TIGD7: variants seen among roughly 807,000 people sequenced by gnomAD.
The protein encoded by TIGD7 is tigger transposable element-derived protein 7.
A neutral mutation model predicts 24.8 loss-of-function variants in TIGD7; 26 were observed. The ratio of observed to expected loss-of-function variants is 1.05; its 90% CI spans 0.77 to 1.45. The LOEUF (loss-of-function observed/expected upper bound fraction) is 1.45. TIGD7 is among the 40% of genes most tolerant of loss of function. The pLI, the probability that TIGD7 is intolerant of heterozygous loss-of-function variation, is 0.00. For synonymous variants in TIGD7, 221 were observed against 224.1 expected, an observed-to-expected ratio of 0.99 and a Z score of 0.12; for missense variants, 679 against 641.6, an observed-to-expected ratio of 1.06 and a Z score of -0.63.
chr16:3,300,189 CCCA>C lies in TIGD7; in HGVS notation c.423_425del (p.Cys141_Gly142delinsTrp). On this transcript the variant is annotated inframe_deletion, in exon 2 of 2. Coordinates refer to ENST00000396862, the MANE Select transcript of TIGD7 (RefSeq NM_033208.4). ...CAGAAACTGAACTTAGGACTTGTTCCCCACATCCTTTTCGGTTCCCAATTGCAT... is the reference window on the plus strand; with the variant it reads ...CAGAAACTGAACTTAGGACTTGTTCCCATCCTTTTCGGTTCCCAATTGCAT... The C allele has an allele frequency of 6.2e-7, 1 of 1,614,184 alleles. No individual in the cohort carries two copies. The highest frequency in any genetic ancestry group is 8.5e-7 in the Non-Finnish European group (1 of 1,180,042).
rs746254623 is a variant in TIGD7, at chr16:3,299,342, C to G, written c.1273G>C (p.Glu425Gln). Residue 425 changes from glutamate to glutamine, a missense_variant, in exon 2 of 2, where the codon GAA becomes CAA. By Grantham distance (29) the Glu-to-Gln change is conservative. Coordinates refer to ENST00000396862, the MANE Select transcript of TIGD7 (RefSeq NM_033208.4). ...TTAGTTTCCAACTCCCCACATTTTT[C>G]AAGAATTTCTCTATAATCCCCATGT... ...LEHGDYREIL[E>Q]KCGELETKLD... is the part of the protein sequence containing the mutation. The G allele has an allele frequency of 1.3e-6, 2 of 1,591,568 alleles. No homozygotes were observed. The highest frequency in any genetic ancestry group is 1.7e-6 in the Non-Finnish European group (2 of 1,171,008).
At chr16:3,304,746 G>A (rs1385774172) in intron 1 of TIGD7, 1 of 152,210 alleles carries the variant, frequency 6.6e-6, no homozygotes, top group Non-Finnish European at 1.5e-5. Context: ...GTAAATATGT[G>A]TGGAATGCCT....
rs954637596 is a variant in TIGD7 at position 3,300,657 on chromosome 16, A to G, written c.-43T>C. On this transcript the variant is annotated 5_prime_UTR_variant, in exon 2 of 2. Transcript: ENST00000396862. ...ACCACCAACAGGAGAAAACAAAGGG[A>G]AAAGCCTTAATGAATTGGCAAAAAA... The G allele has an allele frequency of 1.8e-5, 27 of 1,525,258 alleles. No homozygotes were observed. Among genetic ancestry groups the G allele is most frequent in the Non-Finnish European group, 2.2e-5 (25 of 1,142,020 alleles). The allele number at this position is 1,525,258 out of a possible 1,614,324, so 94.5% of individuals were successfully genotyped here.
chr16:3,302,352 T>A (rs1230066559), intron 1 of TIGD7, among the ~76,000 whole-genome samples: 1 of 152,110 alleles, frequency 6.6e-6, no homozygotes, highest in Non-Finnish European at 1.5e-5. Flanking sequence ...GGTCTCGAAC[T>A]TCTGAACTCA....
chr16:3,303,706 T>C (rs566567266), intron 1 of TIGD7: 29 of 152,254 alleles, frequency 1.9e-4, no homozygotes, highest in African/African-American at 6.5e-4. Context: ...AAAGCAAAAA[T>C]AGCATAATGG....
chr16:3,304,651 C>G (rs1960063227), intron 1 of TIGD7: 1 of 152,226 alleles, frequency 6.6e-6, no homozygotes, highest in Non-Finnish European at 1.5e-5. Flanking sequence ...AATCCCTCAA[C>G]TGGTACAGAC....
chr16:3,299,822 A>G lies in TIGD7; in HGVS notation c.793T>C (p.Trp265Arg), dbSNP rs1392338179. 1 of 1,589,968 alleles carries G rather than the reference A, an allele frequency of 6.3e-7. No individual in the cohort carries two copies. Among genetic ancestry groups the G allele is most frequent in the Non-Finnish European group, 8.5e-7 (1 of 1,171,270 alleles). ...VWFTRELFSEWFFQNFVPEVR... is the reference protein window; with the variant it reads ...VWFTRELFSERFFQNFVPEVR... ...TCAGGAACAAAGTTTTGAAAAAACC[A>G]TTCTGAAAACAATTCTCTGGTGAAC... The change falls in exon 2 of 2, where the codon TGG becomes CGG. Residue 265 changes from tryptophan to arginine, a missense_variant. Physicochemically the swap from Trp to Arg is moderately radical, Grantham distance 101. Coordinates refer to ENST00000396862, the MANE Select transcript of TIGD7 (RefSeq NM_033208.4).
At position 3,301,727 on chromosome 16, in the gene TIGD7, T is replaced by G. The variant is rs911858230; in HGVS notation, c.-1113A>C. On this transcript the variant is annotated 5_prime_UTR_variant, in exon 2 of 2. Transcript: ENST00000396862. The stretch of plus-strand genomic sequence containing the variant: ...ATTTGAGATTTTGATTTCTCTTCAG[T>G]GTTTATTTTACTTAATTTGAACCAA... 39 of 166,268 alleles carry G rather than the reference T, an allele frequency of 2.3e-4. No individual in the cohort carries two copies. The highest frequency in any genetic ancestry group is 9.3e-4 in the African/African-American group (38 of 40,770). 10.3% of individuals were successfully genotyped at this position (166,268 alleles called of 1,614,324 possible).
In TIGD7 at chr16:3,300,137, GTT is replaced by G; in HGVS notation, c.476_477del (p.Lys159ThrfsTer20). ...VSENVEPFRQKLSMIIKEEKL... is the reference protein window; with the variant it reads ...VSENVEPFRQXLSMIIKEEKL... ...TTCTCCTCTTTGATTATCATGGACAGTTTTTGTCGAAATGGCTCAACATTTTC... is the reference window on the plus strand; with the variant it reads ...TTCTCCTCTTTGATTATCATGGACAGTTTGTCGAAATGGCTCAACATTTTC... On this transcript the variant is annotated frameshift_variant, in exon 2 of 2. Transcript: ENST00000396862. LOFTEE classifies it high-confidence loss of function. 6.2e-7 allele frequency: 1 copy of G among 1,614,230 alleles called. No individual in the cohort carries two copies. Among genetic ancestry groups the G allele is most frequent in the Non-Finnish European group, 8.5e-7 (1 of 1,180,038 alleles).
In TIGD7 at chr16:3,305,284, C is replaced by T. The variant is rs1391702287; in HGVS notation, c.-1468G>A. On this transcript the variant is annotated 5_prime_UTR_variant, in exon 1 of 2. Transcript: ENST00000396862. ...AGACGCGGCAGTGCGACGCCTCCCC[C>T]ACTGGGGACACGAGACAGCGACAGC... The T allele has an allele frequency of 1.3e-5, 2 of 152,328 alleles. No homozygotes were observed. The highest frequency in any genetic ancestry group is 2.9e-5 in the Non-Finnish European group (2 of 68,120). The allele number at this position is 152,328 out of a possible 1,614,324, so 9.4% of individuals were successfully genotyped here. A position where few individuals can be genotyped will look rare whatever the true frequency, so the allele number is the denominator to read the frequency against.
rs1959858011 is a variant in TIGD7 at position 3,299,217 on chromosome 16, T to A, written c.1398A>T (p.Gly466=). Residue 466 remains glycine, a synonymous_variant, in exon 2 of 2, where the codon GGA becomes GGT. Transcript: ENST00000396862. Reference sequence around the variant, plus strand: ...ATTCAGCAGTCTGCTTCTCAGCTTCTCCTCCTTTTTGAACAACTTCCTTTG... The same window carrying A: ...ATTCAGCAGTCTGCTTCTCAGCTTCACCTCCTTTTTGAACAACTTCCTTTG... ...GITKEVVQKG[G]EAEKQTAEFK... 2.5e-6 allele frequency: 4 copies of A among 1,606,138 alleles called. No individual in the cohort carries two copies. In the African/African-American group the frequency reaches 5.4e-5, roughly 22 times the overall value.
chr16:3,305,251 C>T lies in TIGD7; in HGVS notation c.-1435G>A, dbSNP rs555432182. On this transcript the variant is annotated 5_prime_UTR_variant, in exon 1 of 2. In the 5' UTR this introduces an upstream ATG that the reference lacks. Coordinates refer to ENST00000396862, the MANE Select transcript of TIGD7 (RefSeq NM_033208.4). ...GGGACCAAACGCCGCCCGACAGCCA[C>T]GCAGAACAGACGCGGCAGTGCGACG... is the stretch of plus-strand genomic sequence containing the variant. 3 of 152,380 alleles carry T rather than the reference C, an allele frequency of 2.0e-5. No homozygotes were observed. The South Asian group carries it at 6.2e-4, about 32-fold the overall frequency. 9.4% of individuals were successfully genotyped at this position (152,380 alleles called of 1,614,324 possible). A position where few individuals can be genotyped will look rare whatever the true frequency, so the allele number is the denominator to read the frequency against.
In TIGD7 at chr16:3,300,501, ACTGATTCC is replaced by A; in HGVS notation, c.106_113del (p.Gly36Ter). 1 of 1,614,146 alleles carries A rather than the reference ACTGATTCC, an allele frequency of 6.2e-7. No homozygotes were observed. The highest frequency in any genetic ancestry group is 2.2e-5 in the East Asian group (1 of 44,886). Reference sequence around the variant, plus strand: ...TTTTAATGTCATAAAATGTTGACTTACTGATTCCAAATTCATCCATTACACTTTTAAGT... The same window carrying A: ...TTTTAATGTCATAAAATGTTGACTTAAAATTCATCCATTACACTTTTAAGT... On this transcript the variant is annotated frameshift_variant, in exon 2 of 2. Coordinates refer to ENST00000396862, the MANE Select transcript of TIGD7 (RefSeq NM_033208.4). LOFTEE classifies it high-confidence loss of function.
At position 3,300,135 on chromosome 16, in the gene TIGD7, C is replaced by T. The variant is rs370157123; in HGVS notation, c.480G>A (p.Leu160=). The change falls in exon 2 of 2, where the codon CTG becomes CTA. Residue 160 remains leucine, a synonymous_variant. Transcript: ENST00000396862. The part of the protein sequence containing the change: ...SENVEPFRQK[L]SMIIKEEKLC... ...GTTTCTCCTCTTTGATTATCATGGA[C>T]AGTTTTTGTCGAAATGGCTCAACAT... 1.2e-6 allele frequency: 2 copies of T among 1,614,236 alleles called. No individual in the cohort carries two copies. Among genetic ancestry groups the T allele is most frequent in the East Asian group, 2.2e-5 (1 of 44,892 alleles).
Position 3,299,336 on chromosome 16 carries a change from AT to A in TIGD7, c.1278del (p.Lys426AsnfsTer16). ...TCCAACTTAGTTTCCAACTCCCCACATTTTTCAAGAATTTCTCTATAATCCC... is the reference window on the plus strand; with the variant it reads ...TCCAACTTAGTTTCCAACTCCCCACATTTTCAAGAATTTCTCTATAATCCC... ...EHGDYREILEKCGELETKLDD... is the reference protein window; with the variant it reads ...EHGDYREILEXCGELETKLDD... On this transcript the variant is annotated frameshift_variant, in exon 2 of 2. Transcript: ENST00000396862. LOFTEE classifies it low-confidence loss of function (END_TRUNC). The A allele has an allele frequency of 6.3e-7, 1 of 1,591,396 alleles. No homozygotes were observed. The highest frequency in any genetic ancestry group is 2.3e-5 in the East Asian group (1 of 43,812).
chr16:3,299,089 T>G lies in TIGD7; in HGVS notation c.1526A>C (p.Gln509Pro). 2 of 1,424,826 alleles carry G rather than the reference T, an allele frequency of 1.4e-6. No individual in the cohort carries two copies. The highest frequency in any genetic ancestry group is 1.8e-6 in the Non-Finnish European group (2 of 1,086,660). 88.3% of individuals were successfully genotyped at this position (1,424,826 alleles called of 1,614,324 possible). Residue 509 changes from glutamine (Q) to proline (P), a missense_variant, in exon 2 of 2, where the codon CAA becomes CCA. Gln to Pro is a moderately conservative substitution (Grantham distance 76). Transcript: ENST00000396862. The part of the protein sequence containing the change: ...RFHFTLKEMQ[Q>P]EIVKKQFQSK... Reference sequence around the variant, plus strand: ...CTGGAACTGTTTCTTGACTATTTCTTGTTGCATCTCTTTCAGTGTGAAGTG... The same window carrying G: ...CTGGAACTGTTTCTTGACTATTTCTGGTTGCATCTCTTTCAGTGTGAAGTG...
chr16:3,301,129 T>C lies in TIGD7; in HGVS notation c.-515A>G, dbSNP rs1181300881. 1 of 167,682 alleles carries C rather than the reference T, an allele frequency of 6.0e-6. No homozygotes were observed. The highest frequency in any genetic ancestry group is 1.5e-5 in the Non-Finnish European group (1 of 68,618). 10.4% of individuals were successfully genotyped at this position (167,682 alleles called of 1,614,324 possible). On this transcript the variant is annotated 5_prime_UTR_variant, in exon 2 of 2. Coordinates refer to ENST00000396862, the MANE Select transcript of TIGD7 (RefSeq NM_033208.4). The stretch of plus-strand genomic sequence containing the variant: ...TCTTGTGTGTAGCAGAGATGCAATG[T>C]GGCTTCTCCCCTTCCAAAAAGACCT...
At chr16:3,302,362 AT>A (rs1959961344) in intron 1 of TIGD7, among the ~76,000 whole-genome samples, 1 of 152,066 alleles carries the variant, frequency 6.6e-6, no homozygotes, top group Non-Finnish European at 1.5e-5. Context: ...TTCTGAACTC[AT>A]GATCCGCCCG....
rs1218660454 is a variant in TIGD7 at position 3,299,252 on chromosome 16, C to T, written c.1363G>A (p.Gly455Ser). 1 of 1,611,050 alleles carries T rather than the reference C, an allele frequency of 6.2e-7. No homozygotes were observed. Among genetic ancestry groups the T allele is most frequent in the African/African-American group, 1.3e-5 (1 of 74,764 alleles). ...TGAACAACTTCCTTTGTTATTCCAC[C>T]TTTGGTTTTTAGGAGACAACCCTTT... Reference protein sequence around the residue: ...EEKGCLLKTKGGITKEVVQKG... With the variant: ...EEKGCLLKTKSGITKEVVQKG... Residue 455 changes from glycine to serine, a missense_variant, in exon 2 of 2, where the codon GGT (glycine) becomes AGT (serine). Coordinates refer to ENST00000396862, the MANE Select transcript of TIGD7 (RefSeq NM_033208.4).
Sources: allele counts gnomAD v4.1 joint callset (sites outside exome capture counted in the v4.1 genomes callset), GRCh38; gene constraint gnomAD v4.1.1; transcripts MANE v1.5; gene names NCBI Gene and HGNC (gene_info 2026-07-23, HGNC 2026-07-21).